The following SCFD2 variants were observed in gnomAD, a reference collection of about 807,000 sequenced individuals.
SCFD2 encodes sec1 family domain-containing protein 2.
In SCFD2, 54 loss-of-function variants were observed where a neutral mutation model predicts 58.9. The observed-to-expected ratio is 0.92, with a 90% CI of 0.74 to 1.15. The LOEUF (loss-of-function observed/expected upper bound fraction) is 1.15, where lower values mean the gene tolerates loss of function less well. Ranked by LOEUF, SCFD2 falls within the 50% of genes most tolerant of loss-of-function variation. The pLI is 0.00. For missense variants in SCFD2, 805 were observed against 836.6 expected, an observed-to-expected ratio of 0.96 and a Z score of 0.47; for synonymous variants, 321 against 335.9, an observed-to-expected ratio of 0.96 and a Z score of 0.49.
intron 4 of SCFD2, among the ~76,000 whole-genome samples, chr4:53,218,794 T>G (rs1045144720): frequency 6.6e-6 from 1 of 152,230 alleles, no homozygotes; most frequent in Non-Finnish European, 1.5e-5. Context: ...TGCTCTTTGA[T>G]GATGGTGACA....
intron 5 of SCFD2, 127 bp downstream of exon 5, chr4:53,145,205 CA>C: frequency 1.7e-6 from 2 of 1,153,168 alleles, no homozygotes; most frequent in Non-Finnish European, 2.5e-6. Context: ...TAGCATTCAT[CA>C]GGCCTCATGA....
chr4:52,985,019 T>A (rs1331279981), intron 5 of SCFD2, among the ~76,000 whole-genome samples: 1 of 152,220 alleles, frequency 6.6e-6, no homozygotes, highest in African/African-American at 2.4e-5. Flanking sequence ...AAAGAAAAGC[T>A]ATGGGGAATT....
chr4:52,905,841 A>T (rs193233352), intron 7 of SCFD2, among the ~76,000 whole-genome samples: 9 of 152,082 alleles, frequency 5.9e-5, no homozygotes, highest in Non-Finnish European at 1.5e-5. Context: ...AACAAGTGAC[A>T]CTCTTGTTTC....
chr4:52,962,943 G>A (rs552218362), intron 5 of SCFD2, among the ~76,000 whole-genome samples: 7 of 152,206 alleles, frequency 4.6e-5, no homozygotes, highest in African/African-American at 1.4e-4. Context: ...TTTTAGCTTG[G>A]ATGAGATCCC....
rs545546539 is a variant in SCFD2 at position 52,898,828 on chromosome 4, T to G, written c.1842+8629A>C. On this transcript the variant is annotated intron_variant, in intron 7 of 8. Transcript: ENST00000401642. ...TCTCTAAGGACTTGCTTTATGAATC[T>G]GGGTGCTCCTGTATTGGGTGCATAT... Among the ~76,000 whole-genome samples, 4 of 152,358 alleles carry G rather than the reference T, an allele frequency of 2.6e-5. No homozygotes were observed. The East Asian group carries it at 7.7e-4, about 29-fold the overall frequency.
chr4:53,364,236 C>T (rs1483634153), intron 1 of SCFD2, among the ~76,000 whole-genome samples: 1 of 152,164 alleles, frequency 6.6e-6, no homozygotes, highest in Non-Finnish European at 1.5e-5. Context: ...ATTAAAAACT[C>T]AAATATACCT....
At chr4:53,278,027 C>T (rs762680097) in intron 3 of SCFD2, among the ~76,000 whole-genome samples, 25 of 147,934 alleles carry the variant, frequency 1.7e-4, no homozygotes, top group Non-Finnish European at 3.7e-4. Flanking sequence ...CACTCTAGCC[C>T]AGGGACAGAA....
At chr4:52,898,243 T>C (rs1719079187) in intron 7 of SCFD2, among the ~76,000 whole-genome samples, 1 of 152,208 alleles carries the variant, frequency 6.6e-6, no homozygotes, top group Non-Finnish European at 1.5e-5. Context: ...AATTGTGATG[T>C]TAGGGTGTCA....
At chr4:52,929,726 C>T (rs1487576512) in intron 5 of SCFD2, among the ~76,000 whole-genome samples, 2 of 152,162 alleles carry the variant, frequency 1.3e-5, no homozygotes, top group Admixed American at 1.3e-4. Context: ...ACAAGCAGCC[C>T]TTTGATCCTG....
At chr4:53,038,538 A>C (rs1221831614) in intron 5 of SCFD2, among the ~76,000 whole-genome samples, 1 of 152,168 alleles carries the variant, frequency 6.6e-6, no homozygotes, top group Non-Finnish European at 1.5e-5. Flanking sequence ...ACAGACTTGC[A>C]TGGAGAGTTT....
At chr4:53,093,257 G>C (rs1724523433) in intron 5 of SCFD2, among the ~76,000 whole-genome samples, 2 of 152,114 alleles carry the variant, frequency 1.3e-5, no homozygotes, top group Admixed American at 6.6e-5. Context: ...TAGGTGTTCA[G>C]CAAATAGTTG....
In SCFD2 at chr4:53,030,332, A is replaced by G. The variant is rs561465156; in HGVS notation, c.1562-109462T>C. The stretch of plus-strand genomic sequence containing the variant: ...CAGAAACAAAAAAGGAAATCCTGAC[A>G]ATACTAAGTGCTGGTAAGGATATGC... On this transcript the variant is annotated intron_variant, in intron 5 of 8. Coordinates refer to ENST00000401642, the MANE Select transcript of SCFD2 (RefSeq NM_152540.4). Among the ~76,000 whole-genome samples, 3 of 152,340 alleles carry G rather than the reference A, an allele frequency of 2.0e-5. No individual in the cohort carries two copies. In the East Asian group the frequency reaches 5.8e-4, roughly 29 times the overall value.
intron 5 of SCFD2, among the ~76,000 whole-genome samples, chr4:52,958,582 C>A (rs1720765785): frequency 6.6e-6 from 1 of 152,240 alleles, no homozygotes; most frequent in Admixed American, 6.5e-5. Flanking sequence ...TCCAACATCC[C>A]CATGTCTACA....
At chr4:53,133,066 T>C (rs1171286030) in intron 5 of SCFD2, among the ~76,000 whole-genome samples, 11 of 152,138 alleles carry the variant, frequency 7.2e-5, no homozygotes, top group East Asian at 1.9e-4. Context: ...CGGTGGCTCA[T>C]GCCTGTAATC....
chr4:53,313,902 T>TA, intron 2 of SCFD2, 139 bp from the exon 3 acceptor site: 1 of 652,622 alleles, frequency 1.5e-6, no homozygotes, highest in East Asian at 2.9e-5. Flanking sequence ...GTATTAGGAT[T>TA]AAATAAAGAA....
At chr4:53,306,572 C>A (rs746426439) in intron 3 of SCFD2, among the ~76,000 whole-genome samples, 4 of 152,164 alleles carry the variant, frequency 2.6e-5, no homozygotes, top group Non-Finnish European at 4.4e-5. Flanking sequence ...CTGTTACTCA[C>A]CCATACTCAT....
At chr4:52,979,763 C>T (rs144617517) in intron 5 of SCFD2, among the ~76,000 whole-genome samples, 162 of 152,306 alleles carry the variant, frequency 1.1e-3, no homozygotes, top group Non-Finnish European at 1.9e-3. Context: ...GTTAGAGACA[C>T]ATATCCAGAG....
intron 4 of SCFD2, among the ~76,000 whole-genome samples, chr4:53,221,486 C>G (rs1015535442): frequency 6.6e-6 from 1 of 152,136 alleles, no homozygotes; most frequent in African/African-American, 2.4e-5. Context: ...AAATTTAAAT[C>G]TTGCTAATAA....
At chr4:53,092,592 C>T (rs1267559605) in intron 5 of SCFD2, among the ~76,000 whole-genome samples, 2 of 151,868 alleles carry the variant, frequency 1.3e-5, no homozygotes, top group Non-Finnish European at 1.5e-5. Flanking sequence ...ACATATATAC[C>T]ACGGAATACT....
Sources: gnomAD v4.1 joint callset for allele counts (sites outside exome capture counted in the v4.1 genomes callset) on GRCh38, gnomAD v4.1.1 for gene constraint, MANE v1.5 for transcripts, NCBI Gene and HGNC (gene_info 2026-07-23, HGNC 2026-07-21) for gene names.